Variants in HERC2 observed in about 807,000 individuals in gnomAD.
HERC2 encodes the protein E3 ubiquitin-protein ligase HERC2.
Under a neutral mutation model 537.7 loss-of-function variants are expected in HERC2, and 102 were observed. That is an observed-to-expected ratio of 0.19 (90% CI 0.16 to 0.22). HERC2 has a LOEUF of 0.22. Ranked by LOEUF, HERC2 falls within the 10% of genes least tolerant of loss-of-function variation. HERC2 has a pLI of 1.00. For missense variants in HERC2, 4,236 were observed against 6,198.2 expected (o/e 0.68, Z 10.63); for synonymous variants, 2,224 against 2,466.2 (o/e 0.90, Z 2.91).
chr15:28,214,828 A>G (rs529245248), intron 39 of HERC2, 26 bp from the exon 40 acceptor site: 2 of 1,580,160 alleles, frequency 1.3e-6, no homozygotes, highest in South Asian at 2.3e-5. Flanking sequence ...TTATAACGAC[A>G]AGCATTAAAA....
At position 28,299,466 on chromosome 15, in the gene HERC2, T is replaced by C; in HGVS notation, c.123A>G (p.Lys41=). Residue 41 remains lysine, a synonymous_variant, in exon 3 of 93, where the codon AAA becomes AAG. Coordinates refer to ENST00000261609, the MANE Select transcript of HERC2 (RefSeq NM_004667.6). ...TTCCAGTGTATACAATTTCTCCATCTTTAACCATTTCATTCCACAGACCAC... is the reference window on the plus strand; with the variant it reads ...TTCCAGTGTATACAATTTCTCCATCCTTAACCATTTCATTCCACAGACCAC... ...GLCGLWNEMV[K]DGEIVYTGTE... 6.3e-7 allele frequency: 1 copy of C among 1,590,852 alleles called. No homozygotes were observed. Among genetic ancestry groups the C allele is most frequent in the Non-Finnish European group, 8.6e-7 (1 of 1,158,982 alleles).
At chr15:28,148,644 C>CATCACCAA (rs1892023904) in intron 70 of HERC2, among the ~76,000 whole-genome samples, 1 of 151,684 alleles carries the variant, frequency 6.6e-6, no homozygotes, top group African/African-American at 2.4e-5. Context: ...TAACCGAGAA[C>CATCACCAA]GGCCACACGA....
At chr15:28,312,103 T>C (rs1044592847) in intron 2 of HERC2, among the ~76,000 whole-genome samples, 1 of 152,290 alleles carries the variant, frequency 6.6e-6, no homozygotes, top group African/African-American at 2.4e-5. Flanking sequence ...TCCTAGGAAC[T>C]GATGACCCAA....
intron 44 of HERC2, among the ~76,000 whole-genome samples, chr15:28,207,789 G>T (rs1211730162): frequency 6.6e-6 from 1 of 151,874 alleles, no homozygotes; most frequent in Admixed American, 6.6e-5. Context: ...CTCTTAAAGG[G>T]CCAGAGAGTA....
At chr15:28,194,476 G>A (rs181105039) in intron 52 of HERC2, among the ~76,000 whole-genome samples, 2,150 of 151,298 alleles carry the variant, frequency 0.014, 46 homozygotes, top group African/African-American at 0.049. Flanking sequence ...AGGCTGAAGC[G>A]GGAGAATGGC....
At chr15:28,294,704 T>C (rs1161914292) in intron 3 of HERC2, among the ~76,000 whole-genome samples, 1 of 152,078 alleles carries the variant, frequency 6.6e-6, no homozygotes, top group South Asian at 2.1e-4. Flanking sequence ...CTGTTCTTAC[T>C]ACAAAATGTG....
At chr15:28,280,425 A>G in intron 4 of HERC2, 138 bp from the exon 5 acceptor site, 1 of 674,296 alleles carries the variant, frequency 1.5e-6, no homozygotes, top group Non-Finnish European at 2.5e-6. Flanking sequence ...ACCACTTTAC[A>G]CACATGAGCT....
At chr15:28,301,735 G>GTGTATATATA (rs1468330361) in intron 2 of HERC2, among the ~76,000 whole-genome samples, 5 of 35,362 alleles carry the variant, frequency 1.4e-4, no homozygotes, top group Non-Finnish European at 2.0e-4. Context: ...GTATGTATGT[G>GTGTATATATA]TATATATATA....
At chr15:28,182,915 C>A (rs1895960950) in intron 56 of HERC2, among the ~76,000 whole-genome samples, 1 of 152,222 alleles carries the variant, frequency 6.6e-6, no homozygotes, top group African/African-American at 2.4e-5. Flanking sequence ...CACGCTGGGT[C>A]TGGCCTTGCA....
At chr15:28,181,521 G>A (rs1354273353) in intron 57 of HERC2, among the ~76,000 whole-genome samples, 3 of 152,164 alleles carry the variant, frequency 2.0e-5, no homozygotes, top group African/African-American at 7.2e-5. Context: ...TTCTCAATAG[G>A]GCAGGCAATA....
chr15:28,158,184 G>C (rs1254944618), intron 69 of HERC2, among the ~76,000 whole-genome samples: 2 of 152,142 alleles, frequency 1.3e-5, no homozygotes, highest in Non-Finnish European at 2.9e-5. Flanking sequence ...AGTAAGTGCG[G>C]TGTGGTGCTG....
intron 15 of HERC2, among the ~76,000 whole-genome samples, chr15:28,261,220 T>C (rs1012681739): frequency 6.6e-6 from 1 of 151,056 alleles, no homozygotes; most frequent in African/African-American, 2.4e-5. Flanking sequence ...AAAGGATCTG[T>C]TTTTTTTTCT....
intron 50 of HERC2, 62 bp downstream of exon 50, chr15:28,198,316 C>G: frequency 6.5e-7 from 1 of 1,535,008 alleles, no homozygotes; most frequent in Non-Finnish European, 8.9e-7. Context: ...AAAAGAAATA[C>G]TAAGTACACA....
Position 28,238,143 on chromosome 15 carries a change from G to A in HERC2, c.3823C>T (p.His1275Tyr). 1.2e-6 allele frequency: 2 copies of A among 1,611,898 alleles called. No individual in the cohort carries two copies. Among genetic ancestry groups the A allele is most frequent in the Non-Finnish European group, 1.7e-6 (2 of 1,179,770 alleles). Residue 1275 changes from histidine to tyrosine, a missense_variant, in exon 25 of 93, where the codon CAC becomes TAC. Transcript: ENST00000261609. Reference sequence around the variant, plus strand: ...AAATACTGGCCAACACAAAACGCGTGCATGGATTCCCGGGTGTCTTCAAAC... The same window carrying A: ...AAATACTGGCCAACACAAAACGCGTACATGGATTCCCGGGTGTCTTCAAAC... ...LQFEDTRESM[H>Y]AFCVGQYLEP... is the part of the protein sequence containing the mutation.
Position 28,207,396 on chromosome 15 carries a change from A to G in HERC2, c.7070-1014T>C, listed in dbSNP as rs1898600485. ...GGTGATCCACCCGCCTCGGCATCCC[A>G]AAGTGTTGGGATTACAGGCATAAGC... On this transcript the variant is annotated intron_variant, in intron 44 of 92. Transcript: ENST00000261609. Among the ~76,000 whole-genome samples, 6 of 152,256 alleles carry G rather than the reference A, an allele frequency of 3.9e-5. No individual in the cohort carries two copies. The South Asian group carries it at 1.2e-3, about 32-fold the overall frequency.
At chr15:28,237,521 A>C (rs931342898) in intron 25 of HERC2, among the ~76,000 whole-genome samples, 35 of 152,382 alleles carry the variant, frequency 2.3e-4, no homozygotes, top group African/African-American at 8.4e-4. Flanking sequence ...CTGTGACCAC[A>C]CATGTAGAGG....
At chr15:28,234,025 G>A in intron 27 of HERC2, 45 bp downstream of exon 27, 1 of 665,624 alleles carries the variant, frequency 1.5e-6, no homozygotes, top group South Asian at 1.7e-5. Flanking sequence ...AAAGTCCTCA[G>A]ATAAACAGAG....
chr15:28,111,044 A>T lies in HERC2; in HGVS notation c.*719T>A, dbSNP rs1887601351. The T allele has an allele frequency of 6.6e-6, 1 of 152,204 alleles. No homozygotes were observed. The highest frequency in any genetic ancestry group is 2.4e-5 in the African/African-American group (1 of 41,452). The allele number at this position is 152,204 out of a possible 1,614,324, so 9.4% of individuals were successfully genotyped here. A position where few individuals can be genotyped will look rare whatever the true frequency, so the allele number is the denominator to read the frequency against. ...TTAAGAAAGCTCAGCCTACACTTTT[A>T]TGTCAGATGTTTTATTTATAGATAA... is the stretch of plus-strand genomic sequence containing the variant. On this transcript the variant is annotated 3_prime_UTR_variant, in exon 93 of 93. Transcript: ENST00000261609.
intron 4 of HERC2, among the ~76,000 whole-genome samples, 175 bp downstream of exon 4, chr15:28,292,713 C>G (rs1596407709): frequency 6.6e-6 from 1 of 152,284 alleles, no homozygotes; most frequent in African/African-American, 2.4e-5. Flanking sequence ...GAACTCTACA[C>G]ATAAAAATGG....
Sources: gnomAD v4.1 joint callset for allele counts (sites outside exome capture counted in the v4.1 genomes callset) on GRCh38, gnomAD v4.1.1 for gene constraint, MANE v1.5 for transcripts, NCBI Gene and HGNC (gene_info 2026-07-23, HGNC 2026-07-21) for gene names.